The following SPAG17 variants were observed in gnomAD, a reference collection of about 807,000 sequenced individuals.
SPAG17 encodes the protein sperm associated antigen 17, also known as sperm-associated antigen 17.
Under a neutral mutation model 273.6 loss-of-function variants are expected in SPAG17, and 169 were observed. The observed-to-expected ratio is 0.62, with a 90% CI of 0.55 to 0.70. SPAG17 has a LOEUF of 0.70. Among genes scored for constraint, SPAG17 ranks in the 30% least tolerant of loss-of-function variants. The pLI is 0.00. For missense variants in SPAG17, 2,557 were observed against 2,627.8 expected (o/e 0.97, Z 0.59); for synonymous variants, 825 against 873.2 (o/e 0.94, Z 0.97).
intron 31 of SPAG17, among the ~76,000 whole-genome samples, chr1:118,006,837 T>C (rs1658948614): frequency 6.6e-6 from 1 of 152,226 alleles, no homozygotes; most frequent in African/African-American, 2.4e-5. Flanking sequence ...TCATTGCAGT[T>C]TGCGCTGCAG....
At chr1:118,083,504 C>T (rs755138106) in intron 13 of SPAG17, among the ~76,000 whole-genome samples, 3 of 151,806 alleles carry the variant, frequency 2.0e-5, no homozygotes, top group South Asian at 2.1e-4. Context: ...ACAGAGACAG[C>T]GGTGGGGCGC....
At chr1:118,148,892 A>C (rs1393426734) in intron 3 of SPAG17, among the ~76,000 whole-genome samples, 1 of 152,204 alleles carries the variant, frequency 6.6e-6, no homozygotes, top group Non-Finnish European at 1.5e-5. Context: ...AGAGTGCTTG[A>C]GCAGGTCCTA....
At chr1:118,012,716 G>T (rs1337481789) in intron 29 of SPAG17, among the ~76,000 whole-genome samples, 1 of 152,196 alleles carries the variant, frequency 6.6e-6, no homozygotes, top group Admixed American at 6.5e-5. Flanking sequence ...GGAAACTACG[G>T]AGTAATGATA....
chr1:118,103,609 C>A (rs980157823), intron 4 of SPAG17, among the ~76,000 whole-genome samples: 1 of 151,868 alleles, frequency 6.6e-6, no homozygotes, highest in Admixed American at 6.6e-5. Context: ...CGGCTCTGCC[C>A]CTTGAGCTCA....
In SPAG17 at chr1:117,970,096, G is replaced by T. The variant is rs140504036; in HGVS notation, c.6347C>A (p.Pro2116Gln). ...AGTCACTTTCAGTCCTGTGCTGGGT[G>T]GGGGCTGCTTTACTTTAAACCTACA... Reference protein sequence around the residue: ...DFCRFKVKQPPPSTGLKVTYK... With the variant: ...DFCRFKVKQPQPSTGLKVTYK... Residue 2116 changes from proline to glutamine, a missense_variant, in exon 46 of 49, where the codon CCA becomes CAA. Pro to Gln is a moderately conservative substitution (Grantham distance 76). Coordinates refer to ENST00000336338, the MANE Select transcript of SPAG17 (RefSeq NM_206996.4). 1.1e-4 allele frequency: 170 copies of T among 1,613,086 alleles called. 1 individual carries two copies. In the African/African-American group the frequency reaches 2.1e-3, roughly 20 times the overall value.
At chr1:117,993,129 T>C (rs187846056) in intron 35 of SPAG17, among the ~76,000 whole-genome samples, 167 of 152,312 alleles carry the variant, frequency 1.1e-3, no homozygotes, top group Non-Finnish European at 2.0e-3. Context: ...CTCCAGAGTC[T>C]GAGGATCCCT....
chr1:118,055,258 A>G (rs1044740552), intron 19 of SPAG17, among the ~76,000 whole-genome samples: 12 of 151,930 alleles, frequency 7.9e-5, no homozygotes, highest in Non-Finnish European at 1.5e-4. Flanking sequence ...CTCTTTCCCC[A>G]TTATCTTTAG....
At chr1:118,019,068 C>G (rs1660253464) in intron 28 of SPAG17, among the ~76,000 whole-genome samples, 1 of 146,896 alleles carries the variant, frequency 6.8e-6, no homozygotes, top group African/African-American at 2.5e-5. Context: ...TTTATACCAG[C>G]TCAAGAATTT....
intron 32 of SPAG17, among the ~76,000 whole-genome samples, chr1:117,999,866 G>C (rs535537998): frequency 3.7e-4 from 57 of 152,250 alleles, no homozygotes; most frequent in African/African-American, 1.2e-3. Context: ...TGTTGCCATT[G>C]TTTTTGGTGT....
intron 7 of SPAG17, 114 bp downstream of exon 7, chr1:118,097,556 C>A: frequency 1.4e-6 from 1 of 708,604 alleles, no homozygotes; most frequent in Non-Finnish European, 2.1e-6. Flanking sequence ...AAGAGCCTAG[C>A]TCAATGCCTT....
intron 48 of SPAG17, chr1:117,960,361 GA>G (rs1432784395): frequency 2.0e-5 from 3 of 152,086 alleles, no homozygotes; most frequent in Non-Finnish European, 4.4e-5. Context: ...GTAAGCTAGA[GA>G]AAAGAAAATG....
intron 10 of SPAG17, among the ~76,000 whole-genome samples, chr1:118,090,749 TG>T (rs1166410015): frequency 6.6e-6 from 1 of 152,100 alleles, no homozygotes; most frequent in African/African-American, 2.4e-5. Context: ...TCGCTGGGCA[TG>T]GTGGTGCATG....
At chr1:118,181,893 ATTGC>A (rs1660967738) in intron 1 of SPAG17, among the ~76,000 whole-genome samples, 1 of 152,110 alleles carries the variant, frequency 6.6e-6, no homozygotes, top group African/African-American at 2.4e-5. Context: ...AGGTGGAAGG[ATTGC>A]TTGAGTCCAG....
At chr1:117,965,290 C>A (rs575564741) in intron 47 of SPAG17, 1 of 152,296 alleles carries the variant, frequency 6.6e-6, no homozygotes, top group South Asian at 2.1e-4. Context: ...TCACCATTTT[C>A]TAATTGCTGC....
intron 18 of SPAG17, among the ~76,000 whole-genome samples, chr1:118,057,069 CG>C (rs1191224027): frequency 6.6e-6 from 1 of 151,896 alleles, no homozygotes; most frequent in Non-Finnish European, 1.5e-5. Context: ...CTCCGCCTCC[CG>C]GGTTCAAGCA....
chr1:118,163,830 C>A (rs974340268), intron 1 of SPAG17, among the ~76,000 whole-genome samples: 2 of 152,296 alleles, frequency 1.3e-5, no homozygotes, highest in African/African-American at 4.8e-5. Flanking sequence ...CACTACACTT[C>A]TTCCCTCACC....
chr1:118,176,407 A>G (rs1660699993), intron 1 of SPAG17, among the ~76,000 whole-genome samples: 1 of 152,230 alleles, frequency 6.6e-6, no homozygotes, highest in Admixed American at 6.5e-5. Flanking sequence ...CAGAGCACGA[A>G]TAGCTATACT....
chr1:118,182,948 A>C (rs1661016491), intron 1 of SPAG17, among the ~76,000 whole-genome samples: 1 of 152,232 alleles, frequency 6.6e-6, no homozygotes, highest in Admixed American at 6.5e-5. Context: ...AAATGTATGA[A>C]ACAACTGATA....
intron 32 of SPAG17, among the ~76,000 whole-genome samples, chr1:118,004,113 TCAC>T (rs1658605678): frequency 3.3e-5 from 5 of 152,278 alleles, no homozygotes; most frequent in Admixed American, 3.3e-4. Flanking sequence ...TGCCTGGGTA[TCAC>T]TAGTGGAGGC....
Sources: gnomAD v4.1 joint callset for allele counts (sites outside exome capture counted in the v4.1 genomes callset) on GRCh38, gnomAD v4.1.1 for gene constraint, MANE v1.5 for transcripts, NCBI Gene and HGNC (gene_info 2026-07-23, HGNC 2026-07-21) for gene names.